Variants in SCIN observed in about 807,000 individuals in gnomAD.
The protein encoded by SCIN is adseverin.
Under a neutral mutation model 91.8 loss-of-function variants are expected in SCIN, and 91 were observed. The ratio of observed to expected loss-of-function variants is 0.99; its 90% CI spans 0.84 to 1.18. The LOEUF (loss-of-function observed/expected upper bound fraction) is 1.18. Ranked by LOEUF, SCIN falls within the 50% of genes most tolerant of loss-of-function variation. The pLI is 0.00. For synonymous variants in SCIN, 367 were observed against 312.6 expected (o/e 1.17, Z -1.84); for missense variants, 1,087 against 863.9 (o/e 1.26, Z -3.24).
In SCIN at chr7:12,651,091, A is replaced by G. The variant is rs1005455604; in HGVS notation, c.1960-750A>G. On this transcript the variant is annotated intron_variant, in intron 14 of 15. Coordinates refer to ENST00000297029, the MANE Select transcript of SCIN (RefSeq NM_001112706.3). This position sits in a 1 kb window ranked among gnomAD's most constrained non-coding sequence, Gnocchi z 5.9. The stretch of plus-strand genomic sequence containing the variant: ...GTTCACAGGAGTCATACAGAATGCA[A>G]GAACTAAATAAATGGCTGGATGGTT... Among the ~76,000 whole-genome samples the G allele has an allele frequency of 1.3e-5, 2 of 152,228 alleles. No homozygotes were observed. The highest frequency in any genetic ancestry group is 2.9e-5 in the Non-Finnish European group (2 of 68,032).
intron 1 of SCIN, among the ~76,000 whole-genome samples, chr7:12,575,624 T>C (rs1033647686): frequency 6.6e-6 from 1 of 152,136 alleles, no homozygotes. Context: ...ATCCACAAAA[T>C]ACTTATAGAA....
At chr7:12,579,632 G>A (rs1212498790) in intron 2 of SCIN, among the ~76,000 whole-genome samples, 1 of 152,182 alleles carries the variant, frequency 6.6e-6, no homozygotes, top group South Asian at 2.1e-4. Context: ...TAAAGTAACT[G>A]TAGTCGAGCA....
At chr7:12,599,366 G>GGTGA (rs780983895) in intron 3 of SCIN, among the ~76,000 whole-genome samples, 1 of 113,810 alleles carries the variant, frequency 8.8e-6, no homozygotes, top group South Asian at 3.2e-4. Flanking sequence ...TGTATTTCAT[G>GGTGA]GTGAGTGTGT....
At chr7:12,614,406 G>A (rs2691820) in intron 4 of SCIN, among the ~76,000 whole-genome samples, 40,902 of 152,012 alleles carry the variant, frequency 0.27, 5,664 homozygotes, top group South Asian at 0.37. Context: ...CACTCTTCTA[G>A]GAGCTTTACA....
intron 6 of SCIN, among the ~76,000 whole-genome samples, 158 bp from the exon 7 acceptor site, chr7:12,625,604 C>T (rs1783503511): frequency 6.6e-6 from 1 of 151,998 alleles, no homozygotes; most frequent in Non-Finnish European, 1.5e-5. Flanking sequence ...GCTAGGATTA[C>T]AGGCGTGAGC....
chr7:12,642,690 C>A (rs1783880958), intron 11 of SCIN, among the ~76,000 whole-genome samples: 1 of 151,282 alleles, frequency 6.6e-6, no homozygotes. Context: ...TTTTTCTCAA[C>A]CTCCCACTAG....
chr7:12,622,858 G>T lies in SCIN; in HGVS notation c.724G>T (p.Asp242Tyr), dbSNP rs1362491466. Reference sequence around the variant, plus strand: ...AGGTGATGATGATGACATTATAGCAGACATAAGTAACAGGAAAATGGCTAA... The same window carrying T: ...AGGTGATGATGATGACATTATAGCATACATAAGTAACAGGAAAATGGCTAA... The part of the protein sequence containing the change: ...DGGDDDDIIA[D>Y]ISNRKMAKLY... Residue 242 changes from aspartate to tyrosine, a missense_variant, in exon 5 of 16, where the codon GAC (aspartate) becomes TAC (tyrosine). By Grantham distance (160) the Asp-to-Tyr change is radical (BLOSUM62 -3). Transcript: ENST00000297029. 1 of 1,612,924 alleles carries T rather than the reference G, an allele frequency of 6.2e-7. No individual in the cohort carries two copies. Among genetic ancestry groups the T allele is most frequent in the African/African-American group, 1.3e-5 (1 of 74,954 alleles).
At chr7:12,631,374 T>G (rs558831349) in intron 9 of SCIN, among the ~76,000 whole-genome samples, 1 of 152,306 alleles carries the variant, frequency 6.6e-6, no homozygotes, top group Admixed American at 6.5e-5. Context: ...AAGATCAAGT[T>G]GAGTGATCTT....
intron 1 of SCIN, among the ~76,000 whole-genome samples, chr7:12,575,632 G>A (rs905675191): frequency 6.6e-5 from 10 of 151,918 alleles, no homozygotes; most frequent in Admixed American, 5.3e-4. Context: ...AATACTTATA[G>A]AAATTCATAG....
At chr7:12,605,487 A>G (rs1014948131) in intron 4 of SCIN, among the ~76,000 whole-genome samples, 1 of 152,212 alleles carries the variant, frequency 6.6e-6, no homozygotes, top group Non-Finnish European at 1.5e-5. Context: ...AAATATTTGT[A>G]TATACAAAAT....
intron 1 of SCIN, chr7:12,571,627 T>C (rs6460967): frequency 0.52 from 239,870 of 457,570 alleles, 63,899 homozygotes; most frequent in Middle Eastern, 0.62. Context: ...CAGATAGAAG[T>C]AAGAAAAAAA....
chr7:12,635,984 C>A, intron 9 of SCIN, 61 bp from the exon 10 acceptor site: 2 of 1,211,030 alleles, frequency 1.7e-6, no homozygotes, highest in Non-Finnish European at 2.4e-6. Flanking sequence ...CTTGCAATGC[C>A]TACATGTGAC....
At chr7:12,605,281 C>G (rs1010495988) in intron 4 of SCIN, among the ~76,000 whole-genome samples, 1 of 152,118 alleles carries the variant, frequency 6.6e-6, no homozygotes, top group African/African-American at 2.4e-5. Context: ...GATCCCCTGA[C>G]CTTGTGATCC....
At chr7:12,575,905 C>G (rs1482642434) in intron 1 of SCIN, among the ~76,000 whole-genome samples, 1 of 152,114 alleles carries the variant, frequency 6.6e-6, no homozygotes, top group South Asian at 2.1e-4. Flanking sequence ...TCATCAAGAC[C>G]GTCAACCTCA....
intron 1 of SCIN, chr7:12,577,406 C>G: frequency 2.7e-6 from 1 of 375,982 alleles, no homozygotes; most frequent in Admixed American, 3.4e-5. Context: ...AAAGGCTAAA[C>G]CACTTGTCAA....
intron 13 of SCIN, among the ~76,000 whole-genome samples, chr7:12,648,202 T>G (rs770312084): frequency 6.6e-6 from 1 of 152,100 alleles, no homozygotes; most frequent in African/African-American, 2.4e-5. Flanking sequence ...TAAAAAAAAT[T>G]TTGTACATGC....
At position 12,651,237 on chromosome 7, in the gene SCIN, T is replaced by C. The variant is rs1271703980; in HGVS notation, c.1960-604T>C. On this transcript the variant is annotated intron_variant, in intron 14 of 15. Transcript: ENST00000297029. This position sits in a 1 kb window ranked among gnomAD's most constrained non-coding sequence, Gnocchi z 5.9. ...AGATGGTCTTGTTATGGATAAAACC[T>C]CACATAAAGTATAGATGGTAAATGT... Among the ~76,000 whole-genome samples, 2 of 152,140 alleles carry C rather than the reference T, an allele frequency of 1.3e-5. No individual in the cohort carries two copies. The highest frequency in any genetic ancestry group is 4.8e-5 in the African/African-American group (2 of 41,438).
intron 8 of SCIN, among the ~76,000 whole-genome samples, chr7:12,628,555 G>C (rs1783577165): frequency 6.6e-6 from 1 of 152,066 alleles, no homozygotes; most frequent in African/African-American, 2.4e-5. Flanking sequence ...CCTCCCAAAG[G>C]TCCCACCTCC....
intron 14 of SCIN, among the ~76,000 whole-genome samples, chr7:12,649,852 A>G (rs1385438356): frequency 1.3e-5 from 2 of 152,196 alleles, no homozygotes; most frequent in Non-Finnish European, 2.9e-5. Flanking sequence ...TAACAAGTGC[A>G]TTCGTGTGTA....
Sources: gnomAD v4.1 joint callset for allele counts (sites outside exome capture counted in the v4.1 genomes callset) on GRCh38, gnomAD v4.1.1 for gene constraint, Gnocchi (gnomAD v3.1) non-coding constraint, MANE v1.5 for transcripts, NCBI Gene and HGNC (gene_info 2026-07-23, HGNC 2026-07-21) for gene names.